The following TARS3 variants were observed in gnomAD, a reference collection of about 807,000 sequenced individuals.
TARS3 encodes the protein threonyl-tRNA synthetase 3, also known as threonine--tRNA ligase 2, cytoplasmic.
TARS3 carries 94 observed loss-of-function variants against 103.5 expected under a neutral mutation model. The observed-to-expected ratio is 0.91, with a 90% CI of 0.77 to 1.08. TARS3 has a LOEUF of 1.08. TARS3 is among the 50% of genes least tolerant of loss of function. The pLI is 0.00. For synonymous variants in TARS3, 416 were observed against 355.4 expected, an observed-to-expected ratio of 1.17 and a Z score of -1.92; for missense variants, 952 against 995.2, an observed-to-expected ratio of 0.96 and a Z score of 0.58.
chr15:101,656,773 C>G, intron 18 of TARS3, 149 bp downstream of exon 18: 2 of 573,568 alleles, frequency 3.5e-6, no homozygotes, highest in East Asian at 3.0e-5. Flanking sequence ...AACAGCTAAG[C>G]TAGGAATGCT....
At chr15:101,663,012 C>G (rs1240932503) in intron 15 of TARS3, among the ~76,000 whole-genome samples, 2 of 152,152 alleles carry the variant, frequency 1.3e-5, no homozygotes, top group Non-Finnish European at 2.9e-5. Flanking sequence ...GTTGATTCTT[C>G]TCATTCCAAA....
At chr15:101,673,578 GA>G (rs1897903153) in intron 13 of TARS3, among the ~76,000 whole-genome samples, 1 of 152,184 alleles carries the variant, frequency 6.6e-6, no homozygotes, top group Non-Finnish European at 1.5e-5. Flanking sequence ...TACTCATGGA[GA>G]TAAAGTACTT....
At chr15:101,685,866 G>A in intron 11 of TARS3, 30 bp downstream of exon 11, 1 of 1,586,006 alleles carries the variant, frequency 6.3e-7, no homozygotes, top group Non-Finnish European at 8.6e-7. Flanking sequence ...GTGCTCTCAT[G>A]AAAAGGTCTG....
chr15:101,661,864 A>T, intron 15 of TARS3, 48 bp from the exon 16 acceptor site: 1 of 1,160,750 alleles, frequency 8.6e-7, no homozygotes. Context: ...AGATTCAATA[A>T]CTATCTTCTA....
intron 16 of TARS3, among the ~76,000 whole-genome samples, chr15:101,660,480 T>C (rs1286069711): frequency 6.6e-6 from 1 of 152,360 alleles, no homozygotes; most frequent in African/African-American, 2.4e-5. Flanking sequence ...AGAAGCACTG[T>C]TGTGTTCCTG....
At chr15:101,655,272 CTCACA>C (rs1897157775) in intron 18 of TARS3, among the ~76,000 whole-genome samples, 1 of 140,630 alleles carries the variant, frequency 7.1e-6, no homozygotes, top group Non-Finnish European at 1.5e-5. Flanking sequence ...CTCTTACAGG[CTCACA>C]GTGACTCCAC....
At chr15:101,696,943 T>C (rs1421856884) in intron 10 of TARS3, among the ~76,000 whole-genome samples, 2 of 152,216 alleles carry the variant, frequency 1.3e-5, no homozygotes, top group East Asian at 1.9e-4. Context: ...CTTTTGGTTA[T>C]ACAGCCTAAT....
intron 9 of TARS3, among the ~76,000 whole-genome samples, chr15:101,701,969 G>A (rs1270003753): frequency 6.6e-6 from 1 of 151,860 alleles, no homozygotes; most frequent in Admixed American, 6.6e-5. Flanking sequence ...GTAGAGGTGG[G>A]GTTTCACCAA....
chr15:101,679,812 T>A (rs1289616688), intron 12 of TARS3, among the ~76,000 whole-genome samples: 1 of 152,196 alleles, frequency 6.6e-6, no homozygotes, highest in Admixed American at 6.5e-5. Context: ...GGACAGTTAC[T>A]GGCAAGTGGG....
rs560646616 is a variant in TARS3 at position 101,724,077 on chromosome 15, C to A, written c.297+14G>T. 1.2e-5 allele frequency: 16 copies of A among 1,361,744 alleles called. No individual in the cohort carries two copies. The highest frequency in any genetic ancestry group is 1.7e-5 in the South Asian group (1 of 57,652). 84.4% of individuals were successfully genotyped at this position (1,361,744 alleles called of 1,614,324 possible). On this transcript the variant is annotated intron_variant, in intron 1 of 18. Transcript: ENST00000335968. ...CCGCCCGCGTCCTCTCCAGTGTCCC[C>A]ACCGCCCGGTTACCTGTGCGCCGGC... is the stretch of plus-strand genomic sequence containing the variant.
chr15:101,715,588 G>A (rs1035791249), intron 3 of TARS3, among the ~76,000 whole-genome samples: 3 of 152,176 alleles, frequency 2.0e-5, no homozygotes, highest in East Asian at 1.9e-4. Flanking sequence ...TCCACCCCAC[G>A]CACACATATG....
Position 101,715,389 on chromosome 15 carries a change from G to A in TARS3, c.567-426C>T, listed in dbSNP as rs578060775. ...TCTCGATCTCCTGACCTCGTGATCC[G>A]CCCGCCTCGGCCTCCCAAAGTGCTG... On this transcript the variant is annotated intron_variant, in intron 3 of 18. Coordinates refer to ENST00000335968, the MANE Select transcript of TARS3 (RefSeq NM_152334.3). Among the ~76,000 whole-genome samples the A allele has an allele frequency of 7.7e-3, 1,166 of 151,900 alleles. 11 individuals are homozygous for A. The highest frequency in any genetic ancestry group is 0.012 in the Non-Finnish European group (791 of 67,920).
Position 101,675,669 on chromosome 15 carries a change from A to G in TARS3, c.1719T>C (p.Phe573=), listed in dbSNP as rs1167057677. ...CCGGCCTTGTTGACAGGTTTAATTG[A>G]AAGGAGAAGCCAAATGTTGAGTAAA... ...QSVYSTFGFS[F]QLNLSTRPEN... is the part of the protein sequence containing the mutation. Residue 573 remains phenylalanine (F), a synonymous_variant, in exon 13 of 19, where the codon TTT becomes TTC. Coordinates refer to ENST00000335968, the MANE Select transcript of TARS3 (RefSeq NM_152334.3). 1 of 1,614,156 alleles carries G rather than the reference A, an allele frequency of 6.2e-7. No individual in the cohort carries two copies. The highest frequency in any genetic ancestry group is 1.1e-5 in the South Asian group (1 of 91,072).
In TARS3 at chr15:101,686,005, T is replaced by C. The variant is rs1229284817; in HGVS notation, c.1378A>G (p.Lys460Glu). 1.9e-6 allele frequency: 3 copies of C among 1,613,980 alleles called. No individual in the cohort carries two copies. Among genetic ancestry groups the C allele is most frequent in the East Asian group, 2.2e-5 (1 of 44,878 alleles). ...CAGTGGCCTGAGGCTTCCCAGAGTT[T>C]ACTGTTGTACATATTGGGAGAGAGC... ...EVLSPNMYNS[K>E]LWEASGHWQH... Residue 460 changes from lysine (K) to glutamate (E), a missense_variant, in exon 11 of 19, where the codon AAA (lysine) becomes GAA (glutamate). Physicochemically the swap from Lys to Glu is moderately conservative, Grantham distance 56 (BLOSUM62 1). Around this residue, in one of 2 missense-constraint regions of TARS3, gnomAD observed 540 missense variants for 631.0 expected, o/e 0.86. Transcript: ENST00000335968.
chr15:101,721,920 C>T (rs976997719), intron 2 of TARS3, among the ~76,000 whole-genome samples: 2 of 152,196 alleles, frequency 1.3e-5, no homozygotes, highest in African/African-American at 4.8e-5. Context: ...AGATATTCAA[C>T]ACTTCATAAT....
intron 9 of TARS3, 122 bp from the exon 10 acceptor site, chr15:101,701,306 A>G: frequency 1.9e-6 from 1 of 539,230 alleles, no homozygotes; most frequent in Non-Finnish European, 3.2e-6. Flanking sequence ...AGGCCATTCA[A>G]CACTTATACC....
intron 6 of TARS3, among the ~76,000 whole-genome samples, chr15:101,706,598 AC>A (rs1371718407): frequency 6.6e-5 from 10 of 152,208 alleles, no homozygotes; most frequent in Non-Finnish European, 1.2e-4. Context: ...TAAAATTCTG[AC>A]AAGGACACAG....
At chr15:101,685,875 T>G (rs753054447) in intron 11 of TARS3, 21 bp downstream of exon 11, 1 of 1,603,200 alleles carries the variant, frequency 6.2e-7, no homozygotes. Flanking sequence ...TGAAAAGGTC[T>G]GCTTCGCTTT....
intron 18 of TARS3, chr15:101,656,137 C>G (rs780295667): frequency 4.8e-6 from 5 of 1,050,034 alleles, no homozygotes; most frequent in Non-Finnish European, 5.2e-6. Flanking sequence ...GATTGCTCTT[C>G]TAGTGGTTTG....
Sources: gnomAD v4.1 joint callset for allele counts (sites outside exome capture counted in the v4.1 genomes callset) on GRCh38, gnomAD v4.1.1 for gene constraint, gnomAD v4.1.1 regional missense constraint, MANE v1.5 for transcripts, NCBI Gene and HGNC (gene_info 2026-07-23, HGNC 2026-07-21) for gene names.